FYB2: variants seen among roughly 807,000 people sequenced by gnomAD.
The protein encoded by FYB2 is FYN-binding protein 2.
In FYB2, 103 loss-of-function variants were observed where a neutral mutation model predicts 94.1. The ratio of observed to expected loss-of-function variants is 1.09; its 90% CI spans 0.93 to 1.29. The LOEUF (loss-of-function observed/expected upper bound fraction) is 1.29. Ranked by LOEUF, FYB2 falls within the 50% of genes most tolerant of loss-of-function variation. The pLI, the probability that FYB2 is intolerant of heterozygous loss-of-function variation, is 0.00. For synonymous variants in FYB2, 293 were observed against 287.9 expected (o/e 1.02, Z -0.18); for missense variants, 896 against 841.5 (o/e 1.06, Z -0.80).
At chr1:56,819,626 A>C, upstream of FYB2, 1 of 476,602 alleles carries the variant, frequency 2.1e-6, no homozygotes, top group African/African-American at 1.9e-5. Context: ...ACAGTCACTC[A>C]CTCTCCAGGG....
intron 5 of FYB2, 31 bp downstream of exon 5, chr1:56,767,798 G>T (rs753226983): frequency 7.5e-6 from 11 of 1,472,954 alleles, no homozygotes; most frequent in South Asian, 1.2e-5. Context: ...TCCACACAGG[G>T]TTACACTATT....
At chr1:56,819,232 T>G (rs1405579720) in intron 1 of FYB2, 50 bp downstream of exon 1, 37 of 1,613,828 alleles carry the variant, frequency 2.3e-5, no homozygotes, top group Non-Finnish European at 3.1e-5. Flanking sequence ...GAACTTGTCC[T>G]GCAAGAAAAG....
chr1:56,792,250 G>C lies in FYB2; in HGVS notation c.563C>G (p.Thr188Arg), dbSNP rs1214570309. 5 of 1,612,300 alleles carry C rather than the reference G, an allele frequency of 3.1e-6. 1 individual carries two copies. The South Asian group carries it at 5.5e-5, about 18-fold the overall frequency. The change falls in exon 2 of 20, where the codon ACA (threonine) becomes AGA (arginine). Residue 188 changes from threonine (T) to arginine (R), a missense_variant. By Grantham distance (71) the Thr-to-Arg change is moderately conservative (BLOSUM62 -1). Coordinates refer to ENST00000343433, the MANE Select transcript of FYB2 (RefSeq NM_001004303.5). ...GGAAGGAAGAGTCTGGGCTCCTTTT[G>C]TTTCCAGCTTTTTCCTGGGTTCCTC... is the stretch of plus-strand genomic sequence containing the variant. ...TPEEPRKKLETKGAQTLPSQK... is the reference protein window; with the variant it reads ...TPEEPRKKLERKGAQTLPSQK...
intron 15 of FYB2, among the ~76,000 whole-genome samples, chr1:56,729,317 A>T (rs1168297858): frequency 1.3e-5 from 2 of 152,012 alleles, no homozygotes; most frequent in East Asian, 3.9e-4. Context: ...TGCATTGGGG[A>T]TGGGAAAAGT....
chr1:56,808,247 C>G (rs1166703697), intron 1 of FYB2, among the ~76,000 whole-genome samples: 1 of 152,128 alleles, frequency 6.6e-6, no homozygotes, highest in Non-Finnish European at 1.5e-5. Flanking sequence ...GACCAAAGAG[C>G]TAGTAAATAG....
chr1:56,820,986 C>T (rs1646984172), upstream of FYB2, among the ~76,000 whole-genome samples: 1 of 152,296 alleles, frequency 6.6e-6, no homozygotes, highest in East Asian at 1.9e-4. Flanking sequence ...TTGGCCAACA[C>T]TGCTGTGTAG....
At chr1:56,810,734 A>T (rs939060011) in intron 1 of FYB2, among the ~76,000 whole-genome samples, 10 of 152,224 alleles carry the variant, frequency 6.6e-5, no homozygotes, top group African/African-American at 2.4e-4. Flanking sequence ...TGCATCAGGC[A>T]CTGCTGCCTG....
At chr1:56,736,968 A>G (rs1644842939) in intron 15 of FYB2, 119 bp downstream of exon 15, 1 of 790,848 alleles carries the variant, frequency 1.3e-6, no homozygotes, top group African/African-American at 1.8e-5. Context: ...GACTATCTTA[A>G]GTTGACTTTT....
intron 1 of FYB2, among the ~76,000 whole-genome samples, chr1:56,818,308 C>T (rs1159089320): frequency 1.3e-5 from 2 of 151,754 alleles, no homozygotes. Flanking sequence ...TGCCCTTTGC[C>T]CTGAGACAAA....
At chr1:56,781,372 C>G (rs558159662) in intron 4 of FYB2, among the ~76,000 whole-genome samples, 1 of 152,138 alleles carries the variant, frequency 6.6e-6, no homozygotes, top group South Asian at 2.1e-4. Context: ...CACAGCTGAT[C>G]CAGCAATTGC....
At chr1:56,750,383 T>C (rs1035492636) in intron 9 of FYB2, among the ~76,000 whole-genome samples, 3 of 152,004 alleles carry the variant, frequency 2.0e-5, no homozygotes, top group African/African-American at 4.8e-5. Flanking sequence ...TCTGTTGCTA[T>C]TGAAGTGTCA....
chr1:56,796,079 GACTGGGTGTCTAC>G (rs1200714776), intron 1 of FYB2, among the ~76,000 whole-genome samples: 1 of 152,172 alleles, frequency 6.6e-6, no homozygotes, highest in African/African-American at 2.4e-5. Context: ...ATGCAATAGT[GACTGGGTGTCTAC>G]CACTGACTTT....
chr1:56,744,614 G>A (rs767518274), intron 9 of FYB2, among the ~76,000 whole-genome samples: 4 of 151,884 alleles, frequency 2.6e-5, no homozygotes, highest in Non-Finnish European at 4.4e-5. Flanking sequence ...GTCTACCAGG[G>A]TACATCCCTG....
At chr1:56,723,932 G>A (rs1569847521) in intron 16 of FYB2, among the ~76,000 whole-genome samples, 2 of 151,986 alleles carry the variant, frequency 1.3e-5, no homozygotes, top group Admixed American at 6.6e-5. Flanking sequence ...TCAGGGTAAT[G>A]TCAATTGCTT....
At chr1:56,789,231 A>G (rs1458455075) in intron 2 of FYB2, 97 bp from the exon 3 acceptor site, 4 of 1,349,642 alleles carry the variant, frequency 3.0e-6, no homozygotes, top group Non-Finnish European at 4.0e-6. Flanking sequence ...AGTCCCGTCC[A>G]ATCTATTCTC....
Position 56,740,947 on chromosome 1 carries a change from G to A in FYB2, c.1605-152C>T, listed in dbSNP as rs1428678559. The A allele has an allele frequency of 1.0e-5, 5 of 479,410 alleles. No individual in the cohort carries two copies. The Admixed American group carries it at 1.2e-4, about 11-fold the overall frequency. 29.7% of individuals were successfully genotyped at this position (479,410 alleles called of 1,614,324 possible). A position where few individuals can be genotyped will look rare whatever the true frequency, so the allele number is the denominator to read the frequency against. ...CATGGTCATAAAGATGGAAATAACC[G>A]ACACTGGGGACTCCAAAAAGCGGGA... On this transcript the variant is annotated intron_variant, in intron 12 of 19. Transcript: ENST00000343433.
At chr1:56,802,071 G>T (rs1454767484) in intron 1 of FYB2, among the ~76,000 whole-genome samples, 1 of 152,124 alleles carries the variant, frequency 6.6e-6, no homozygotes, top group Non-Finnish European at 1.5e-5. Context: ...GCCTCTAAAA[G>T]TTGCAAGCAG....
intron 9 of FYB2, 68 bp downstream of exon 9, chr1:56,750,976 A>G: frequency 6.6e-7 from 1 of 1,513,702 alleles, no homozygotes; most frequent in Admixed American, 2.0e-5. Flanking sequence ...ATAAATTAAA[A>G]TTTTGGCCAT....
chr1:56,800,927 C>T (rs1646505032), intron 1 of FYB2, among the ~76,000 whole-genome samples: 1 of 152,148 alleles, frequency 6.6e-6, no homozygotes, highest in African/African-American at 2.4e-5. Flanking sequence ...CGATAGTTAG[C>T]CGATGACTTG....
Sources: gnomAD v4.1 joint callset for allele counts (sites outside exome capture counted in the v4.1 genomes callset) on GRCh38, gnomAD v4.1.1 for gene constraint, MANE v1.5 for transcripts, NCBI Gene and HGNC (gene_info 2026-07-23, HGNC 2026-07-21) for gene names.